PCDH11X: variants seen among roughly 807,000 people sequenced by gnomAD.
PCDH11X encodes protocadherin-11 X-linked.
A neutral mutation model predicts 53.3 loss-of-function variants in PCDH11X; 18 were observed. The ratio of observed to expected loss-of-function variants is 0.34; its 90% confidence interval spans 0.23 to 0.50. The LOEUF (loss-of-function observed/expected upper bound fraction) is 0.50, where lower values mean the gene tolerates loss of function less well. Among genes scored for constraint, PCDH11X ranks in the 20% least tolerant of loss-of-function variants. The pLI, the probability that PCDH11X is intolerant of heterozygous loss-of-function variation, is 0.98. For missense variants in PCDH11X, 570 were observed against 1,032.4 expected (o/e 0.55, Z 6.14); for synonymous variants, 279 against 393.3 (o/e 0.71, Z 3.44).
At chrX:92,317,753 G>C (rs1018223253) in intron 8 of PCDH11X, among the ~76,000 whole-genome samples, 6 of 111,599 alleles carry the variant, frequency 5.4e-5, no homozygotes, top group Non-Finnish European at 1.1e-4. Flanking sequence ...CTTGAGGTTA[G>C]ATCCTGGATA....
rs1346891431 is a variant in PCDH11X at position 91,809,482 on chromosome X, A to G, written c.-362A>G. Among the ~76,000 whole-genome samples, 3 of 108,495 alleles carry G rather than the reference A, an allele frequency of 2.8e-5. No individual in the cohort carries two copies. The highest frequency in any genetic ancestry group is 1.0e-4 in the African/African-American group (3 of 29,831). The allele number at this position is 108,495 out of a possible 115,157, so 94.2% of individuals were successfully genotyped here. A position where few individuals can be genotyped will look rare whatever the true frequency, so the allele number is the denominator to read the frequency against. On this transcript the variant is annotated 5_prime_UTR_variant, in exon 2 of 11. Transcript: ENST00000682573. ...TATACACAGAGGGTGCTTAAAAAGT[A>G]CAGATCAACTGGATGGATGAATGGA...
chrX:92,167,727 C>T (rs778452149), intron 6 of PCDH11X, among the ~76,000 whole-genome samples: 4 of 111,581 alleles, frequency 3.6e-5, no homozygotes, highest in African/African-American at 1.3e-4. Context: ...GAATTTTCTT[C>T]TTTTTCTAAA....
intron 8 of PCDH11X, among the ~76,000 whole-genome samples, chrX:92,321,788 G>T (rs1157441105): frequency 9.0e-6 from 1 of 111,068 alleles, no homozygotes; most frequent in Non-Finnish European, 1.9e-5. Context: ...ATCTCATCAT[G>T]CCTGAGGACT....
intron 5 of PCDH11X, among the ~76,000 whole-genome samples, chrX:91,858,222 G>A (rs1938460639): frequency 9.1e-6 from 1 of 109,799 alleles, no homozygotes; most frequent in South Asian, 4.1e-4. Context: ...CTGGGATGTA[G>A]GTCATCAAGT....
At chrX:92,387,247 A>C (rs1012219538) in intron 8 of PCDH11X, among the ~76,000 whole-genome samples, 2 of 111,687 alleles carry the variant, frequency 1.8e-5, no homozygotes, top group Non-Finnish European at 3.8e-5. Flanking sequence ...CTTCTAAAAG[A>C]TGATGTACTT....
At chrX:92,342,271 T>A (rs2069780929) in intron 8 of PCDH11X, among the ~76,000 whole-genome samples, 1 of 110,415 alleles carries the variant, frequency 9.1e-6, no homozygotes, top group East Asian at 2.9e-4. Context: ...GGAAAGCAGT[T>A]TCAAGGATTA....
At chrX:91,939,176 A>G (rs1272127916) in intron 6 of PCDH11X, among the ~76,000 whole-genome samples, 3 of 111,369 alleles carry the variant, frequency 2.7e-5, no homozygotes, top group Non-Finnish European at 5.7e-5. Flanking sequence ...TCAAACTTCC[A>G]GAAATGCCAG....
At chrX:92,120,869 A>G (rs1208462456) in intron 6 of PCDH11X, among the ~76,000 whole-genome samples, 3 of 111,748 alleles carry the variant, frequency 2.7e-5, no homozygotes, top group South Asian at 3.8e-4. Flanking sequence ...TAGTGTATGC[A>G]CTATGGATTT....
chrX:92,245,579 A>C (rs1174987139), intron 7 of PCDH11X, among the ~76,000 whole-genome samples: 2 of 112,380 alleles, frequency 1.8e-5, no homozygotes, highest in Non-Finnish European at 3.8e-5. Flanking sequence ...CTGTATACTT[A>C]AAAGCTAGCC....
intron 6 of PCDH11X, among the ~76,000 whole-genome samples, chrX:92,146,472 A>G (rs2065268982): frequency 9.0e-6 from 1 of 111,608 alleles, no homozygotes; most frequent in Non-Finnish European, 1.9e-5. Context: ...TTTATATTCT[A>G]TAAGCACATC....
At chrX:92,547,643 C>T (rs1182992960) in intron 10 of PCDH11X, among the ~76,000 whole-genome samples, 1 of 110,774 alleles carries the variant, frequency 9.0e-6, no homozygotes, top group African/African-American at 3.3e-5. Flanking sequence ...TTTTTCCTGT[C>T]GAGGCCTTTA....
At chrX:92,056,113 A>G (rs1042981272) in intron 6 of PCDH11X, among the ~76,000 whole-genome samples, 70 of 111,104 alleles carry the variant, frequency 6.3e-4, no homozygotes, top group African/African-American at 2.3e-3. Context: ...GAATCACCAC[A>G]CTGTCTGCTG....
chrX:92,364,000 C>A (rs762167231), intron 8 of PCDH11X, among the ~76,000 whole-genome samples: 1 of 111,372 alleles, frequency 9.0e-6, no homozygotes, highest in East Asian at 2.8e-4. Flanking sequence ...CATTTCTTCT[C>A]AGAATAATTA....
intron 8 of PCDH11X, among the ~76,000 whole-genome samples, chrX:92,314,481 G>A (rs1350897318): frequency 9.0e-6 from 1 of 111,544 alleles, no homozygotes; most frequent in East Asian, 2.8e-4. Flanking sequence ...GATAAAAATT[G>A]TAATATAGTA....
intron 9 of PCDH11X, among the ~76,000 whole-genome samples, chrX:92,408,102 CT>C (rs1451928946): frequency 9.0e-6 from 1 of 110,633 alleles, no homozygotes; most frequent in Non-Finnish European, 1.9e-5. Context: ...CCAAGCTGGT[CT>C]CGAACTCCTG....
At chrX:92,131,866 C>T (rs968178746) in intron 6 of PCDH11X, among the ~76,000 whole-genome samples, 1 of 108,479 alleles carries the variant, frequency 9.2e-6, no homozygotes, top group African/African-American at 3.4e-5. Flanking sequence ...TTAAGAATTC[C>T]TTTGTTATTT....
chrX:91,901,808 T>C (rs1002101221), intron 6 of PCDH11X, among the ~76,000 whole-genome samples: 24 of 111,751 alleles, frequency 2.1e-4, no homozygotes, highest in African/African-American at 7.5e-4. Context: ...ACATACTACT[T>C]AGGCTCGCCA....
chrX:92,113,324 C>G (rs1414641393), intron 6 of PCDH11X: 1 of 1,196,681 alleles, frequency 8.4e-7, no homozygotes, highest in East Asian at 3.0e-5. Context: ...GTCCTCTTGT[C>G]TTCTTCTGTC....
chrX:91,869,078 T>A (rs1346140660), intron 5 of PCDH11X, among the ~76,000 whole-genome samples: 4 of 111,523 alleles, frequency 3.6e-5, no homozygotes, highest in African/African-American at 1.3e-4. Context: ...CAAGTTAAAA[T>A]TGTATTTAAT....
Sources: allele counts gnomAD v4.1 joint callset (sites outside exome capture counted in the v4.1 genomes callset), GRCh38; gene constraint gnomAD v4.1.1; transcripts MANE v1.5; gene names NCBI Gene and HGNC (gene_info 2026-07-23, HGNC 2026-07-21).